Variants in INO80 observed in about 807,000 individuals in gnomAD.
INO80 encodes the protein INO80 complex ATPase subunit.
In INO80, 20 loss-of-function variants were observed where a neutral mutation model predicts 203.4. The ratio of observed to expected loss-of-function variants is 0.10; its 90% CI spans 0.07 to 0.14. INO80 has a LOEUF of 0.14. Ranked by LOEUF, INO80 falls within the 10% of genes least tolerant of loss-of-function variation. INO80 has a pLI of 1.00. For synonymous variants in INO80, 726 were observed against 685.2 expected, an observed-to-expected ratio of 1.06 and a Z score of -0.93; for missense variants, 1,419 against 1,914.4, an observed-to-expected ratio of 0.74 and a Z score of 4.83.
intron 29 of INO80, among the ~76,000 whole-genome samples, chr15:40,988,445 T>C (rs1363585654): frequency 1.3e-5 from 2 of 152,180 alleles, no homozygotes; most frequent in Non-Finnish European, 2.9e-5. Context: ...CAAGATCACA[T>C]TGCTTAACTA....
Position 41,047,427 on chromosome 15 carries a change from G to A in INO80, c.2716C>T (p.Leu906Phe), listed in dbSNP as rs753511359. 8.1e-6 allele frequency: 13 copies of A among 1,613,376 alleles called. No individual in the cohort carries two copies. Among genetic ancestry groups the A allele is most frequent in the Non-Finnish European group, 1.0e-5 (12 of 1,179,658 alleles). Reference protein sequence around the residue: ...ISPAEMANLMLQGLLARWLAL... With the variant: ...ISPAEMANLMFQGLLARWLAL... The stretch of plus-strand genomic sequence containing the variant: ...TCTCACCTGGCCAAAAGTCCCTGAA[G>A]CATAAGGTTTGCCATTTCTGCTGGA... Residue 906 changes from leucine (L) to phenylalanine (F), a missense_variant, in exon 23 of 36, where the codon CTT becomes TTT. Transcript: ENST00000648947.
chr15:41,054,054 A>T (rs1490476519), intron 18 of INO80, 40 bp from the exon 19 acceptor site: 1 of 1,515,030 alleles, frequency 6.6e-7, no homozygotes, highest in South Asian at 1.2e-5. Context: ...CATTATAGTG[A>T]TTTCACAAAA....
intron 21 of INO80, 93 bp downstream of exon 21, chr15:41,049,194 G>A (rs984208034): frequency 9.8e-7 from 1 of 1,016,172 alleles, no homozygotes; most frequent in Non-Finnish European, 1.4e-6. Context: ...TCATTGCTGG[G>A]AACTCATATT....
At chr15:41,025,267 A>T (rs1173695985) in intron 25 of INO80, among the ~76,000 whole-genome samples, 1 of 152,210 alleles carries the variant, frequency 6.6e-6, no homozygotes, top group Admixed American at 6.5e-5. Flanking sequence ...AGTAGTATAG[A>T]TGGGGCATGC....
intron 30 of INO80, among the ~76,000 whole-genome samples, 186 bp downstream of exon 30, chr15:40,987,630 G>C (rs1206841792): frequency 6.6e-6 from 1 of 152,198 alleles, no homozygotes; most frequent in African/African-American, 2.4e-5. Context: ...AAGGGAATGA[G>C]GCATGGCCAG....
intron 15 of INO80, among the ~76,000 whole-genome samples, chr15:41,059,390 C>G (rs1039137669): frequency 2.0e-5 from 3 of 150,488 alleles, no homozygotes; most frequent in East Asian, 2.0e-4. Context: ...TTTGGGAGGC[C>G]GAGGCAGGAG....
intron 1 of INO80, among the ~76,000 whole-genome samples, chr15:41,107,046 T>C (rs903649996): frequency 6.6e-6 from 1 of 152,220 alleles, no homozygotes; most frequent in East Asian, 1.9e-4. Context: ...GTCTTACAGA[T>C]TCCACTCATT....
chr15:41,001,330 T>C (rs1408419651), intron 28 of INO80, among the ~76,000 whole-genome samples: 1 of 152,072 alleles, frequency 6.6e-6, no homozygotes, highest in Non-Finnish European at 1.5e-5. Context: ...CATGTGTAGG[T>C]CTCGCTCTCA....
chr15:41,100,808 T>C (rs1275044140), intron 1 of INO80, among the ~76,000 whole-genome samples: 1 of 151,964 alleles, frequency 6.6e-6, no homozygotes, highest in Non-Finnish European at 1.5e-5. Flanking sequence ...TGTGCAACCA[T>C]TACTACCATT....
At chr15:40,997,685 G>A in intron 28 of INO80, 84 bp from the exon 29 acceptor site, 1 of 869,400 alleles carries the variant, frequency 1.2e-6, no homozygotes, top group Non-Finnish European at 1.9e-6. Flanking sequence ...TCTGAATACA[G>A]AACATAAAGT....
intron 26 of INO80, 39 bp from the exon 27 acceptor site, chr15:41,016,254 A>T: frequency 6.3e-7 from 1 of 1,598,894 alleles, no homozygotes. Flanking sequence ...AACTGTATTT[A>T]ATTGAAGCGA....
At chr15:41,038,874 C>T (rs1443753606) in intron 24 of INO80, among the ~76,000 whole-genome samples, 2 of 152,214 alleles carry the variant, frequency 1.3e-5, no homozygotes, top group Non-Finnish European at 2.9e-5. Context: ...AGCAGCCTTA[C>T]TGAACCTGCT....
At chr15:40,986,544 TG>T (rs1363937203) in intron 31 of INO80, among the ~76,000 whole-genome samples, 2 of 151,934 alleles carry the variant, frequency 1.3e-5, no homozygotes, top group Non-Finnish European at 2.9e-5. Context: ...AGGCTAGTCT[TG>T]GAACTCCTGA....
intron 25 of INO80, among the ~76,000 whole-genome samples, chr15:41,024,867 A>C (rs765220475): frequency 6.6e-6 from 1 of 152,244 alleles, no homozygotes; most frequent in Non-Finnish European, 1.5e-5. Flanking sequence ...AGAAGTCAAT[A>C]TAAGATATAA....
intron 22 of INO80, 126 bp from the exon 23 acceptor site, chr15:41,047,627 A>G: frequency 1.6e-6 from 1 of 640,370 alleles, no homozygotes; most frequent in Non-Finnish European, 2.7e-6. Context: ...TGATCTAGCC[A>G]CTTTGGTGCA....
chr15:40,984,875 C>T (rs986349802), intron 32 of INO80, among the ~76,000 whole-genome samples: 1 of 152,122 alleles, frequency 6.6e-6, no homozygotes, highest in African/African-American at 2.4e-5. Flanking sequence ...CAGTTCAAAT[C>T]CTTGGTGTGA....
At chr15:41,039,584 T>C (rs111285563) in intron 24 of INO80, among the ~76,000 whole-genome samples, 10 of 152,200 alleles carry the variant, frequency 6.6e-5, no homozygotes, top group African/African-American at 2.2e-4. Context: ...TGGACTAACA[T>C]TGGGAAAAGG....
At chr15:41,115,286 T>C (rs1011460073) in intron 1 of INO80, among the ~76,000 whole-genome samples, 12 of 152,166 alleles carry the variant, frequency 7.9e-5, no homozygotes, top group Admixed American at 7.2e-4. Context: ...TCCTAAACTG[T>C]AGGGGGCTTC....
At chr15:40,985,308 C>CCCCT (rs1566898838) in intron 32 of INO80, 30 bp downstream of exon 32, 3 of 1,543,892 alleles carry the variant, frequency 1.9e-6, no homozygotes, top group African/African-American at 1.4e-5. Context: ...GCCCCATTAG[C>CCCCT]CCCTATCCAC....
Sources: allele counts gnomAD v4.1 joint callset (sites outside exome capture counted in the v4.1 genomes callset), GRCh38; gene constraint gnomAD v4.1.1; transcripts MANE v1.5; gene names NCBI Gene and HGNC (gene_info 2026-07-23, HGNC 2026-07-21).